The following STAT2 variants were observed in gnomAD, a reference collection of about 807,000 sequenced individuals.
STAT2 encodes the protein interferon alpha induced transcriptional activator.
Under a neutral mutation model 122.3 loss-of-function variants are expected in STAT2, and 51 were observed. That is an observed-to-expected ratio of 0.42 (90% CI 0.33 to 0.53). The LOEUF (loss-of-function observed/expected upper bound fraction) is 0.53, where lower values mean the gene tolerates loss of function less well. Ranked by LOEUF, STAT2 falls within the 20% of genes least tolerant of loss-of-function variation. STAT2 has a pLI of 0.10. For synonymous variants in STAT2, 351 were observed against 394.9 expected (o/e 0.89, Z 1.32); for missense variants, 736 against 1,010.3 (o/e 0.73, Z 3.68).
rs2020855 is a variant in STAT2, at chr12:56,349,083, G to C, written c.1441-24C>G. 8.6e-4 allele frequency: 1,393 copies of C among 1,613,608 alleles called. 11 individuals carry two copies. In the African/African-American group the frequency reaches 0.016, roughly 19 times the overall value. Reference sequence around the variant, plus strand: ...TTCTGCAGGGGTGGGAGCAGTGTAGGCTGGCTCAGAAGCAACCTATCACAC... The same window carrying C: ...TTCTGCAGGGGTGGGAGCAGTGTAGCCTGGCTCAGAAGCAACCTATCACAC... On this transcript the variant is annotated intron_variant, in intron 16 of 23. Coordinates refer to ENST00000314128, the MANE Select transcript of STAT2 (RefSeq NM_005419.4).
At chr12:56,344,252 G>A (rs1877016381) in intron 22 of STAT2, 117 bp from the exon 23 acceptor site, 1 of 1,397,070 alleles carries the variant, frequency 7.2e-7, no homozygotes. Flanking sequence ...TAAAGAGCAT[G>A]GGTTTGGAAT....
In STAT2 at chr12:56,350,124, C is replaced by G. The variant is rs1878222306; in HGVS notation, c.1182G>C (p.Gln394His). The change falls in exon 13 of 24, where the codon CAG becomes CAC. Residue 394 changes from glutamine to histidine, a missense_variant. Transcript: ENST00000314128. ...KTLTPEKGQS[Q>H]GLIWDFGYLT... is the part of the protein sequence containing the mutation. Reference sequence around the variant, plus strand: ...GGTAACCAAAGTCCCAAATCAAACCCTGACTCTGCCCCTTCTCGGGGGTCA... The same window carrying G: ...GGTAACCAAAGTCCCAAATCAAACCGTGACTCTGCCCCTTCTCGGGGGTCA... 1.9e-6 allele frequency: 3 copies of G among 1,613,162 alleles called. No homozygotes were observed. In the African/African-American group the frequency reaches 4.0e-5, roughly 22 times the overall value.
chr12:56,352,424 A>G (rs532070301), intron 8 of STAT2: 2 of 145,810 alleles, frequency 1.4e-5, no homozygotes, highest in Non-Finnish European at 3.0e-5. Flanking sequence ...AGCCTGCTAG[A>G]CAAATCCTAA....
At chr12:56,359,051 T>C (rs1055010591) in intron 1 of STAT2, among the ~76,000 whole-genome samples, 1 of 152,210 alleles carries the variant, frequency 6.6e-6, no homozygotes, top group African/African-American at 2.4e-5. Context: ...AATTCATGCA[T>C]ATTTGTGGTC....
chr12:56,345,050 T>G (rs916002238), intron 22 of STAT2, among the ~76,000 whole-genome samples: 12 of 150,484 alleles, frequency 8.0e-5, no homozygotes. Context: ...GGCGCTCGCC[T>G]GTAATCCCAG....
intron 1 of STAT2, among the ~76,000 whole-genome samples, chr12:56,359,705 T>C (rs148924630): frequency 9.1e-4 from 139 of 152,356 alleles, no homozygotes; most frequent in African/African-American, 2.9e-3. Context: ...ACAAGGATAA[T>C]AGATTTATCT....
intron 1 of STAT2, 48 bp downstream of exon 1, chr12:56,360,004 AACTCTC>A: frequency 1.0e-6 from 1 of 956,650 alleles, no homozygotes; most frequent in Non-Finnish European, 1.2e-6. Flanking sequence ...CCCTCGGAGG[AACTCTC>A]ACTCTCACCC....
At chr12:56,351,910 T>A (rs536066924) in intron 8 of STAT2, among the ~76,000 whole-genome samples, 1 of 152,044 alleles carries the variant, frequency 6.6e-6, no homozygotes, top group East Asian at 1.9e-4. Flanking sequence ...TTTTTTTTTT[T>A]AGACAGTCTC....
chr12:56,346,154 G>C lies in STAT2; in HGVS notation c.2094C>G (p.Val698=). The C allele has an allele frequency of 6.2e-7, 1 of 1,614,134 alleles. No individual in the cohort carries two copies. Among genetic ancestry groups the C allele is most frequent in the Non-Finnish European group, 8.5e-7 (1 of 1,180,020 alleles). The change falls in exon 22 of 24, where the codon GTC becomes GTG. Residue 698 remains valine, a synonymous_variant. Transcript: ENST00000314128. ...RKYLKHRLIV[V]SNRQVDELQQ... is the part of the protein sequence containing the mutation. Reference sequence around the variant, plus strand: ...AAGAGTTCATATCTCACCTATTAGAGACCACAATGAGCCTGTGTTTCAGGT... The same window carrying C: ...AAGAGTTCATATCTCACCTATTAGACACCACAATGAGCCTGTGTTTCAGGT...
At chr12:56,346,748 C>A in intron 20 of STAT2, 71 bp downstream of exon 20, 1 of 1,607,694 alleles carries the variant, frequency 6.2e-7, no homozygotes. Context: ...AAGCCAAGGG[C>A]AGGCAGAGGG....
At position 56,344,197 on chromosome 12, in the gene STAT2, T is replaced by TA. The variant is rs1877007066; in HGVS notation, c.2103-63dup. ...GTGGTTCAAATGAAATCAGGAATGG[T>TA]AGAATAAGCAGAAGCTAGTCTAAGA... On this transcript the variant is annotated intron_variant, in intron 22 of 23. Coordinates refer to ENST00000314128, the MANE Select transcript of STAT2 (RefSeq NM_005419.4). 2.7e-6 allele frequency: 4 copies of TA among 1,503,052 alleles called. No individual in the cohort carries two copies. In the Admixed American group the frequency reaches 6.4e-5, roughly 24 times the overall value. 93.1% of individuals were successfully genotyped at this position (1,503,052 alleles called of 1,614,324 possible).
In STAT2 at chr12:56,346,188, C is replaced by T. The variant is rs1196807040; in HGVS notation, c.2060G>A (p.Arg687Gln). 3 of 1,614,048 alleles carry T rather than the reference C, an allele frequency of 1.9e-6. No homozygotes were observed. The highest frequency in any genetic ancestry group is 2.5e-6 in the Non-Finnish European group (3 of 1,180,030). ...YYQEKVNLQE[R>Q]RKYLKHRLIV... Reference sequence around the variant, plus strand: ...GAGCCTGTGTTTCAGGTATTTCCTCCGTTCCTGGAGATTAACTGTGAGGAA... The same window carrying T: ...GAGCCTGTGTTTCAGGTATTTCCTCTGTTCCTGGAGATTAACTGTGAGGAA... Residue 687 changes from arginine (R) to glutamine (Q), a missense_variant, in exon 22 of 24, where the codon CGG becomes CAG. Coordinates refer to ENST00000314128, the MANE Select transcript of STAT2 (RefSeq NM_005419.4).
At position 56,350,200 on chromosome 12, in the gene STAT2, G is replaced by A; in HGVS notation, c.1116-10C>T. The A allele has an allele frequency of 6.2e-7, 1 of 1,601,822 alleles. No homozygotes were observed. The highest frequency in any genetic ancestry group is 8.5e-7 in the Non-Finnish European group (1 of 1,174,526). On this transcript the variant is annotated splice_polypyrimidine_tract_variant and intron_variant, in intron 12 of 23. Coordinates refer to ENST00000314128, the MANE Select transcript of STAT2 (RefSeq NM_005419.4). ...GTTGAACTTCCGGAAGCTGTTCCAG[G>A]AGGAAGATACATGGAGACAAGGAAT... is the stretch of plus-strand genomic sequence containing the variant.
intron 13 of STAT2, 167 bp from the exon 14 acceptor site, chr12:56,349,803 CT>C: frequency 3.4e-6 from 3 of 884,444 alleles, no homozygotes; most frequent in Non-Finnish European, 3.5e-6. Flanking sequence ...GATCCCAGCA[CT>C]TTGGGAGGCT....
intron 23 of STAT2, 31 bp downstream of exon 23, chr12:56,343,794 C>G: frequency 6.2e-7 from 1 of 1,607,318 alleles, no homozygotes; most frequent in African/African-American, 1.3e-5. Flanking sequence ...GGAATGTGTG[C>G]CATCTTCCAT....
chr12:56,351,571 A>AG, intron 8 of STAT2, 121 bp from the exon 9 acceptor site: 1 of 1,053,536 alleles, frequency 9.5e-7, no homozygotes, highest in Non-Finnish European at 1.4e-6. Flanking sequence ...AGAAAAAAAA[A>AG]GAATCCAGGA....
chr12:56,349,393 C>A, intron 15 of STAT2, 33 bp downstream of exon 15: 1 of 1,614,192 alleles, frequency 6.2e-7, no homozygotes, highest in Non-Finnish European at 8.5e-7. Context: ...TCCAAAGCTG[C>A]TTTCTCTCTC....
chr12:56,359,246 C>A (rs1362849753), intron 1 of STAT2, among the ~76,000 whole-genome samples: 1 of 151,996 alleles, frequency 6.6e-6, no homozygotes, highest in African/African-American at 2.4e-5. Context: ...AACTATGTAT[C>A]TGTATTGCTT....
At chr12:56,355,641 C>T in intron 4 of STAT2, 67 bp downstream of exon 4, 2 of 1,596,488 alleles carry the variant, frequency 1.3e-6, no homozygotes, top group East Asian at 2.2e-5. Flanking sequence ...GAGACAACTC[C>T]CTGAGTCCTT....
Sources: gnomAD v4.1 joint callset for allele counts (sites outside exome capture counted in the v4.1 genomes callset) on GRCh38, gnomAD v4.1.1 for gene constraint, MANE v1.5 for transcripts, NCBI Gene and HGNC (gene_info 2026-07-23, HGNC 2026-07-21) for gene names.